LYPLAL1: variants seen among roughly 807,000 people sequenced by gnomAD.
LYPLAL1 encodes lysophospholipase-like protein 1.
Under a neutral mutation model 19.7 loss-of-function variants are expected in LYPLAL1, and 23 were observed. That is an observed-to-expected ratio of 1.17 (90% CI 0.84 to 1.65). The LOEUF (loss-of-function observed/expected upper bound fraction) is 1.65. Among genes scored for constraint, LYPLAL1 ranks in the 40% most tolerant of loss-of-function variants. The pLI is 0.00. For synonymous variants in LYPLAL1, 119 were observed against 96.3 expected (o/e 1.24, Z -1.38); for missense variants, 355 against 279.4 (o/e 1.27, Z -1.93).
At chr1:219,375,957 G>A in the LYPLAL1 span, among the ~76,000 whole-genome samples, 1 of 151,998 alleles carries the variant, frequency 6.6e-6, no homozygotes, top group South Asian at 2.1e-4. Flanking sequence ...TAGCCAGGAT[G>A]GTCTTGATCT....
At chr1:219,317,561 GTGA>G in the LYPLAL1 span, among the ~76,000 whole-genome samples, 1 of 152,154 alleles carries the variant, frequency 6.6e-6, no homozygotes, top group Non-Finnish European at 1.5e-5. Context: ...AGAAAATGAG[GTGA>G]TGATGAGAAA....
chr1:219,414,895 A>C, the LYPLAL1 span, among the ~76,000 whole-genome samples: 39,944 of 152,038 alleles, frequency 0.26, 5,833 homozygotes, highest in East Asian at 0.53. Context: ...TATTAGCAGC[A>C]TGAGAAACCA....
chr1:219,191,957 T>G (rs1049684760), intron 2 of LYPLAL1, among the ~76,000 whole-genome samples: 2 of 148,298 alleles, frequency 1.3e-5, no homozygotes, highest in Non-Finnish European at 3.0e-5. Flanking sequence ...TGTTTCCAGG[T>G]TTTTTTTTTA....
the LYPLAL1 span, among the ~76,000 whole-genome samples, chr1:219,439,994 C>CATATATATATAT: frequency 1.9e-3 from 229 of 117,610 alleles, 2 homozygotes; most frequent in African/African-American, 6.9e-3. Context: ...TATATATACA[C>CATATATATATAT]ACATATATAT....
chr1:219,290,749 G>C, the LYPLAL1 span, among the ~76,000 whole-genome samples: 1 of 152,102 alleles, frequency 6.6e-6, no homozygotes. Context: ...TCTTTCTTGA[G>C]CGACATCCAA....
At chr1:219,371,278 G>T in the LYPLAL1 span, among the ~76,000 whole-genome samples, 1 of 152,098 alleles carries the variant, frequency 6.6e-6, no homozygotes, top group Non-Finnish European at 1.5e-5. Context: ...TCATGTTCTG[G>T]TCCCCACCAA....
the LYPLAL1 span, among the ~76,000 whole-genome samples, chr1:219,229,337 G>GACACAC: frequency 2.3e-5 from 3 of 130,084 alleles, no homozygotes; most frequent in African/African-American, 8.4e-5. Flanking sequence ...GAGAGAGAGA[G>GACACAC]ACACGCAGGC....
chr1:219,347,008 C>T, the LYPLAL1 span, among the ~76,000 whole-genome samples: 50 of 152,306 alleles, frequency 3.3e-4, no homozygotes, highest in Middle Eastern at 6.8e-3. Flanking sequence ...TGTTTTTAAA[C>T]CACACAAGCA....
chr1:219,368,596 G>C, the LYPLAL1 span, among the ~76,000 whole-genome samples: 3 of 152,290 alleles, frequency 2.0e-5, no homozygotes, highest in African/African-American at 7.2e-5. Context: ...TGGAGATAAG[G>C]CCATTGACTA....
At chr1:219,420,319 C>T in the LYPLAL1 span, among the ~76,000 whole-genome samples, 3 of 152,244 alleles carry the variant, frequency 2.0e-5, no homozygotes, top group East Asian at 5.8e-4. Context: ...GGGGATACTG[C>T]TGTGTGAGCC....
the LYPLAL1 span, among the ~76,000 whole-genome samples, chr1:219,440,159 T>G: frequency 6.6e-6 from 1 of 151,418 alleles, no homozygotes; most frequent in Non-Finnish European, 1.5e-5. Context: ...TTTAAGATTA[T>G]TCCATTGGGA....
chr1:219,391,681 T>C, the LYPLAL1 span, among the ~76,000 whole-genome samples: 1 of 152,132 alleles, frequency 6.6e-6, no homozygotes, highest in East Asian at 1.9e-4. Context: ...GTCAGCACAA[T>C]AGGAACTGAT....
At chr1:219,231,741 C>T in the LYPLAL1 span, among the ~76,000 whole-genome samples, 1 of 152,172 alleles carries the variant, frequency 6.6e-6, no homozygotes, top group Non-Finnish European at 1.5e-5. Context: ...GCATCAATTT[C>T]CCTGTAGACC....
At chr1:219,184,379 C>A (rs546110049) in intron 2 of LYPLAL1, among the ~76,000 whole-genome samples, 1 of 151,858 alleles carries the variant, frequency 6.6e-6, no homozygotes, top group Non-Finnish European at 1.5e-5. Context: ...TTGTATCCTT[C>A]TATCTTTCTA....
the LYPLAL1 span, among the ~76,000 whole-genome samples, chr1:219,285,673 C>T: frequency 6.6e-6 from 1 of 152,064 alleles, no homozygotes; most frequent in Non-Finnish European, 1.5e-5. Context: ...ATAGGCAAAT[C>T]CAGAGAAACA....
chr1:219,221,448 T>G, the LYPLAL1 span, among the ~76,000 whole-genome samples: 1 of 152,196 alleles, frequency 6.6e-6, no homozygotes, highest in East Asian at 1.9e-4. Flanking sequence ...AGTGAGCTTT[T>G]TTGGACCCTT....
chr1:219,410,584 G>T, the LYPLAL1 span, among the ~76,000 whole-genome samples: 10 of 152,366 alleles, frequency 6.6e-5, no homozygotes, highest in East Asian at 1.9e-3. Context: ...CTACTGCACT[G>T]TGGGAACCCC....
chr1:219,183,490 A>G (rs561993361), intron 2 of LYPLAL1, among the ~76,000 whole-genome samples: 3 of 152,180 alleles, frequency 2.0e-5, no homozygotes, highest in African/African-American at 7.2e-5. Flanking sequence ...GATAAATTAT[A>G]GTACAGAGAA....
At chr1:219,303,385 T>C in the LYPLAL1 span, among the ~76,000 whole-genome samples, 2 of 152,194 alleles carry the variant, frequency 1.3e-5, no homozygotes, top group Non-Finnish European at 2.9e-5. Context: ...ATGACTACTC[T>C]GAGGGAAATA....
Sources: allele counts gnomAD v4.1 joint callset (sites outside exome capture counted in the v4.1 genomes callset), GRCh38; gene constraint gnomAD v4.1.1; transcripts MANE v1.5; gene names NCBI Gene and HGNC (gene_info 2026-07-23, HGNC 2026-07-21).